RARB: variants seen among roughly 807,000 people sequenced by gnomAD.
RARB encodes the protein retinoic acid receptor beta, also known as HBV-activated protein.
RARB carries 17 observed loss-of-function variants against 51.9 expected under a neutral mutation model. The observed-to-expected ratio is 0.33, with a 90% CI of 0.22 to 0.49. The LOEUF is 0.49. Among genes scored for constraint, RARB ranks in the 20% least tolerant of loss-of-function variants. The pLI is 0.99. For synonymous variants in RARB, 215 were observed against 195.4 expected, an observed-to-expected ratio of 1.10 and a Z score of -0.84; for missense variants, 369 against 550.8, an observed-to-expected ratio of 0.67 and a Z score of 3.30.
intron 5 of RARB, among the ~76,000 whole-genome samples, chr3:25,334,754 G>GA (rs889896306): frequency 6.6e-6 from 1 of 152,104 alleles, no homozygotes; most frequent in Non-Finnish European, 1.5e-5. Flanking sequence ...GAGCGGGAAG[G>GA]AAAAAAATGA....
chr3:24,957,085 C>T (rs577799678), intron 2 of RARB, among the ~76,000 whole-genome samples: 1 of 152,286 alleles, frequency 6.6e-6, no homozygotes, highest in East Asian at 1.9e-4. Flanking sequence ...AAGGTGATGT[C>T]TTCTGAGGGC....
intron 3 of RARB, among the ~76,000 whole-genome samples, chr3:25,527,980 G>A (rs965499671): frequency 1.3e-5 from 2 of 152,204 alleles, no homozygotes; most frequent in Admixed American, 6.5e-5. Flanking sequence ...AAAGCCAGGC[G>A]GGAGGCCTGT....
chr3:25,579,917 G>A (rs984398208), intron 4 of RARB, among the ~76,000 whole-genome samples: 4 of 152,178 alleles, frequency 2.6e-5, no homozygotes, highest in Non-Finnish European at 4.4e-5. Flanking sequence ...AGATTAACAA[G>A]TACTGATGGT....
At chr3:25,542,982 A>ATT (rs1205400431) in intron 3 of RARB, among the ~76,000 whole-genome samples, 3 of 152,198 alleles carry the variant, frequency 2.0e-5, no homozygotes, top group Non-Finnish European at 2.9e-5. Flanking sequence ...CAAATTCAAG[A>ATT]TTATAACATT....
intron 5 of RARB, among the ~76,000 whole-genome samples, chr3:25,584,783 C>T (rs1028065052): frequency 1.3e-5 from 2 of 152,246 alleles, no homozygotes; most frequent in African/African-American, 4.8e-5. Context: ...TGTAGCACTG[C>T]GTCAATATTG....
intron 2 of RARB, among the ~76,000 whole-genome samples, chr3:24,980,887 C>T (rs1696649796): frequency 6.6e-6 from 1 of 152,138 alleles, no homozygotes. Flanking sequence ...CTGGTTTCTC[C>T]CCATCTTAAT....
chr3:25,367,652 T>TA (rs34629828), intron 5 of RARB, among the ~76,000 whole-genome samples: 11,699 of 139,196 alleles, frequency 0.084, 1,181 homozygotes, highest in African/African-American at 0.25. Flanking sequence ...CCCATCTCTA[T>TA]AAAAAAAAAA....
chr3:25,428,425 G>C lies in RARB; in HGVS notation c.-307G>C. ...CTGGGCACCGTCGGGGTAGGATCCG[G>C]AACGCATTCGGAAGGCTTTTTGCAA... On this transcript the variant is annotated 5_prime_UTR_variant, in exon 1 of 8. Coordinates refer to ENST00000330688, the MANE Select transcript of RARB (RefSeq NM_000965.5). 1 of 1,276,932 alleles carries C rather than the reference G, an allele frequency of 7.8e-7. No homozygotes were observed. The highest frequency in any genetic ancestry group is 9.9e-7 in the Non-Finnish European group (1 of 1,013,766). 79.1% of individuals were successfully genotyped at this position (1,276,932 alleles called of 1,614,324 possible).
chr3:25,224,906 C>T (rs1043892159), intron 5 of RARB, among the ~76,000 whole-genome samples: 4 of 152,062 alleles, frequency 2.6e-5, no homozygotes, highest in African/African-American at 9.7e-5. Flanking sequence ...TGCCAGCCAC[C>T]TCTTATTATA....
chr3:25,002,354 A>T (rs1328936494), intron 2 of RARB, among the ~76,000 whole-genome samples: 1 of 152,156 alleles, frequency 6.6e-6, no homozygotes, highest in Non-Finnish European at 1.5e-5. Context: ...AGATGTTCAC[A>T]CACTGTATCC....
At chr3:25,523,272 A>T (rs1048167035) in intron 3 of RARB, among the ~76,000 whole-genome samples, 3 of 152,186 alleles carry the variant, frequency 2.0e-5, no homozygotes, top group Admixed American at 2.0e-4. Flanking sequence ...GGTAAGAATC[A>T]CATTCTTATA....
intron 3 of RARB, among the ~76,000 whole-genome samples, chr3:25,083,003 C>G (rs979552203): frequency 3.4e-4 from 52 of 151,934 alleles, no homozygotes; most frequent in Non-Finnish European, 4.1e-4. Flanking sequence ...ATATTGCCTT[C>G]TTGCCTGTAT....
At chr3:25,249,487 T>C (rs910570672) in intron 5 of RARB, among the ~76,000 whole-genome samples, 2 of 152,144 alleles carry the variant, frequency 1.3e-5, no homozygotes, top group Admixed American at 6.5e-5. Flanking sequence ...CTTTGGAGGT[T>C]TCATATATCC....
At chr3:25,395,619 G>C (rs1446360489) in intron 5 of RARB, among the ~76,000 whole-genome samples, 2 of 151,638 alleles carry the variant, frequency 1.3e-5, no homozygotes, top group African/African-American at 4.8e-5. Context: ...TTTTGTCTTT[G>C]TTGGAATGGG....
At chr3:25,329,971 A>G (rs1408177727) in intron 5 of RARB, among the ~76,000 whole-genome samples, 1 of 152,244 alleles carries the variant, frequency 6.6e-6, no homozygotes, top group Non-Finnish European at 1.5e-5. Context: ...GAGAAAAATT[A>G]ATAAAAAGAA....
At chr3:25,306,031 A>G (rs1704144602) in intron 5 of RARB, among the ~76,000 whole-genome samples, 1 of 152,180 alleles carries the variant, frequency 6.6e-6, no homozygotes. Flanking sequence ...TTTGGGGGAA[A>G]GAGTTTGGTA....
chr3:25,242,543 T>C (rs1702459013), intron 5 of RARB, among the ~76,000 whole-genome samples: 1 of 152,074 alleles, frequency 6.6e-6, no homozygotes, highest in East Asian at 1.9e-4. Flanking sequence ...GTTTTCCCCA[T>C]ACCATTTATT....
At position 25,288,497 on chromosome 3, in the gene RARB, C is replaced by T. The variant is rs139022220; in HGVS notation, c.178+113922C>T. ...TGGTATTTTTGCTGCCACTTGAAAT[C>T]AAATCCCAGCTGCATTCATTTAAAT... On this transcript the variant is annotated intron_variant, in intron 5 of 11. Transcript: ENST00000383772. Among the ~76,000 whole-genome samples the T allele has an allele frequency of 2.7e-3, 409 of 152,266 alleles. 2 individuals carry two copies. Among genetic ancestry groups the T allele is most frequent in the African/African-American group, 9.3e-3 (387 of 41,554 alleles).
chr3:25,541,896 T>C (rs1007286196), intron 3 of RARB, among the ~76,000 whole-genome samples: 6 of 152,216 alleles, frequency 3.9e-5, no homozygotes, highest in African/African-American at 1.4e-4. Context: ...AACTCTGCTA[T>C]TCGTTTCGTG....
Sources: gnomAD v4.1 joint callset for allele counts (sites outside exome capture counted in the v4.1 genomes callset) on GRCh38, gnomAD v4.1.1 for gene constraint, MANE v1.5 for transcripts, NCBI Gene and HGNC (gene_info 2026-07-23, HGNC 2026-07-21) for gene names.